Variants in FHIT observed in about 807,000 individuals in gnomAD.
FHIT encodes fragile histidine triad diadenosine triphosphatase.
FHIT carries 19 observed loss-of-function variants against 17.9 expected under a neutral mutation model. The observed-to-expected ratio is 1.06, with a 90% confidence interval of 0.74 to 1.56. The LOEUF is 1.56. Ranked by LOEUF, FHIT falls within the 40% of genes most tolerant of loss-of-function variation. FHIT has a pLI of 0.00. For synonymous variants in FHIT, 81 were observed against 69.7 expected (o/e 1.16, Z -0.81); for missense variants, 248 against 189.2 (o/e 1.31, Z -1.82).
chr3:59,826,240 C>T (rs1457279889), intron 8 of FHIT, among the ~76,000 whole-genome samples: 1 of 152,180 alleles, frequency 6.6e-6, no homozygotes, highest in Non-Finnish European at 1.5e-5. Flanking sequence ...ACCTCAGCCT[C>T]CTGAGTAGCT....
intron 5 of FHIT, among the ~76,000 whole-genome samples, chr3:60,453,986 A>T (rs1312981479): frequency 2.0e-5 from 3 of 152,234 alleles, no homozygotes; most frequent in Admixed American, 6.5e-5. Context: ...TAACCTAAGC[A>T]TTGTTCAAGA....
intron 2 of FHIT, among the ~76,000 whole-genome samples, chr3:61,189,069 G>A (rs1034870907): frequency 1.3e-5 from 2 of 152,124 alleles, no homozygotes; most frequent in African/African-American, 4.8e-5. Context: ...CACAGTGTTG[G>A]AATTTCTGGC....
chr3:59,948,447 G>A (rs1376475493), intron 7 of FHIT, among the ~76,000 whole-genome samples: 5 of 151,836 alleles, frequency 3.3e-5, no homozygotes, highest in Non-Finnish European at 5.9e-5. Flanking sequence ...AATTTGGGAG[G>A]TGGAGGTTGC....
chr3:60,418,408 A>G lies in FHIT; in HGVS notation c.103+118452T>C, dbSNP rs2687184. Among the ~76,000 whole-genome samples, 767 of 105,120 alleles carry G rather than the reference A, an allele frequency of 7.3e-3. 78 individuals carry two copies. The highest frequency in any genetic ancestry group is 0.068 in the East Asian group (168 of 2,454). The allele number at this position is 105,120 out of a possible 152,430, so 69.0% of individuals were successfully genotyped here. ...TATATATATATATATATATATATAT[A>G]TATATATATATATATATACGTGTAT... On this transcript the variant is annotated intron_variant, in intron 5 of 9. Transcript: ENST00000492590.
chr3:61,184,382 TC>T (rs1242351673), intron 2 of FHIT, among the ~76,000 whole-genome samples: 2 of 152,078 alleles, frequency 1.3e-5, no homozygotes, highest in South Asian at 2.1e-4. Flanking sequence ...TGCACTGACT[TC>T]CTTGAGATGG....
intron 7 of FHIT, among the ~76,000 whole-genome samples, chr3:59,943,370 G>A (rs1427063566): frequency 1.3e-5 from 2 of 152,060 alleles, no homozygotes; most frequent in Non-Finnish European, 2.9e-5. Flanking sequence ...AAATAAATCA[G>A]CAACGAAATT....
At chr3:60,300,292 T>C (rs6765946) in intron 5 of FHIT, among the ~76,000 whole-genome samples, 18,508 of 152,036 alleles carry the variant, frequency 0.12, 1,172 homozygotes, top group South Asian at 0.15. Context: ...TTGACTGTTA[T>C]CACAACAGAT....
chr3:60,889,267 C>G (rs535565605), intron 3 of FHIT, among the ~76,000 whole-genome samples: 1 of 152,184 alleles, frequency 6.6e-6, no homozygotes, highest in Non-Finnish European at 1.5e-5. Context: ...GGGAACGACA[C>G]GGCAGCAGGG....
At chr3:60,546,272 G>A (rs560025028) in intron 4 of FHIT, among the ~76,000 whole-genome samples, 3 of 152,018 alleles carry the variant, frequency 2.0e-5, no homozygotes, top group Non-Finnish European at 4.4e-5. Flanking sequence ...CACGGGTTAA[G>A]TCTGGTTTTT....
chr3:61,067,663 T>C (rs1039392385), intron 2 of FHIT, among the ~76,000 whole-genome samples: 2 of 152,122 alleles, frequency 1.3e-5, no homozygotes, highest in African/African-American at 2.4e-5. Flanking sequence ...AACAATCACA[T>C]TGTCAGTATA....
intron 4 of FHIT, among the ~76,000 whole-genome samples, chr3:60,681,006 G>A (rs1553696742): frequency 6.6e-6 from 1 of 152,166 alleles, no homozygotes; most frequent in Non-Finnish European, 1.5e-5. Context: ...ATTTTTTTAA[G>A]TACAAGTGAT....
intron 1 of FHIT, among the ~76,000 whole-genome samples, chr3:61,217,520 T>G (rs1009391846): frequency 1.3e-5 from 2 of 152,212 alleles, no homozygotes; most frequent in East Asian, 3.9e-4. Context: ...GCTGTATTTT[T>G]TATGACCTAG....
chr3:60,824,465 C>A (rs1435083646), intron 3 of FHIT, among the ~76,000 whole-genome samples: 1 of 151,952 alleles, frequency 6.6e-6, no homozygotes, highest in Non-Finnish European at 1.5e-5. Flanking sequence ...GAATAAGTAA[C>A]CAGAATATAT....
intron 3 of FHIT, among the ~76,000 whole-genome samples, chr3:61,028,250 T>A (rs1026355676): frequency 1.3e-5 from 2 of 152,210 alleles, no homozygotes; most frequent in African/African-American, 4.8e-5. Flanking sequence ...AAAGTCAAGA[T>A]AGCTTTCTAC....
Position 60,571,983 on chromosome 3 carries a change from A to G in FHIT, c.-17-35004T>C, listed in dbSNP as rs751558095. Among the ~76,000 whole-genome samples the G allele has an allele frequency of 2.0e-5, 3 of 152,300 alleles. No homozygotes were observed. In the East Asian group the frequency reaches 5.8e-4, roughly 29 times the overall value. On this transcript the variant is annotated intron_variant, in intron 4 of 9. Coordinates refer to ENST00000492590, the MANE Select transcript of FHIT (RefSeq NM_002012.4). ...GTCATTGCTTTTTATTTATAAAATGACGGCTTGGATCAAGGTAGTGTTTCC... is the reference window on the plus strand; with the variant it reads ...GTCATTGCTTTTTATTTATAAAATGGCGGCTTGGATCAAGGTAGTGTTTCC...
intron 8 of FHIT, among the ~76,000 whole-genome samples, chr3:59,753,451 C>G (rs1262571702): frequency 2.0e-5 from 3 of 152,184 alleles, no homozygotes; most frequent in Non-Finnish European, 4.4e-5. Flanking sequence ...TCAGAACTCT[C>G]TTCCTTAGAA....
chr3:60,744,834 AATTT>A (rs1324351124), intron 4 of FHIT, among the ~76,000 whole-genome samples: 1 of 152,110 alleles, frequency 6.6e-6, no homozygotes, highest in African/African-American at 2.4e-5. Flanking sequence ...ACTTGTATTG[AATTT>A]ATTTATTTGG....
intron 5 of FHIT, among the ~76,000 whole-genome samples, chr3:60,437,572 C>G (rs1047098798): frequency 6.6e-6 from 1 of 152,030 alleles, no homozygotes; most frequent in African/African-American, 2.4e-5. Context: ...TCATCTCATT[C>G]CAGCAATGAT....
At chr3:60,204,467 T>G (rs1408638036) in intron 5 of FHIT, among the ~76,000 whole-genome samples, 1 of 150,464 alleles carries the variant, frequency 6.6e-6, no homozygotes, top group African/African-American at 2.4e-5. Context: ...TGTTTTGTTT[T>G]TTTAGTAGAG....
Sources: gnomAD v4.1 joint callset for allele counts (sites outside exome capture counted in the v4.1 genomes callset) on GRCh38, gnomAD v4.1.1 for gene constraint, MANE v1.5 for transcripts, NCBI Gene and HGNC (gene_info 2026-07-23, HGNC 2026-07-21) for gene names.